Variants in STK3 observed in about 807,000 individuals in gnomAD.
STK3 encodes serine/threonine-protein kinase 3.
STK3 carries 41 observed loss-of-function variants against 58.0 expected under a neutral mutation model. The ratio of observed to expected loss-of-function variants is 0.71; its 90% CI spans 0.55 to 0.92. The LOEUF (loss-of-function observed/expected upper bound fraction) is 0.92. Ranked by LOEUF, STK3 falls within the 40% of genes least tolerant of loss-of-function variation. The pLI is 0.00. For missense variants in STK3, 479 were observed against 602.7 expected (o/e 0.79, Z 2.15); for synonymous variants, 170 against 191.0 (o/e 0.89, Z 0.91).
At chr8:98,538,970 C>T (rs1050035920) in intron 9 of STK3, among the ~76,000 whole-genome samples, 17 of 152,300 alleles carry the variant, frequency 1.1e-4, no homozygotes, top group African/African-American at 3.4e-4. Context: ...TGGGTATTTG[C>T]ACCCAGCTGC....
At chr8:98,939,025 T>C (rs1195451451) in intron 1 of STK3, among the ~76,000 whole-genome samples, 2 of 152,196 alleles carry the variant, frequency 1.3e-5, no homozygotes, top group Non-Finnish European at 2.9e-5. Flanking sequence ...CACCATCTTA[T>C]GCCGACTCCT....
upstream of STK3, among the ~76,000 whole-genome samples, chr8:98,830,166 T>C (rs1420672237): frequency 6.6e-6 from 1 of 151,986 alleles, no homozygotes; most frequent in Admixed American, 6.6e-5. Context: ...AGGCAGAGGT[T>C]GCAGTGAGCC....
At chr8:98,937,733 A>T (rs1019187171) in intron 1 of STK3, among the ~76,000 whole-genome samples, 5 of 152,238 alleles carry the variant, frequency 3.3e-5, no homozygotes, top group Admixed American at 6.5e-5. Flanking sequence ...CTTGACTTGG[A>T]TTAGATTCAA....
chr8:98,475,776 G>A (rs80203741), intron 10 of STK3, among the ~76,000 whole-genome samples: 404 of 152,220 alleles, frequency 2.7e-3, no homozygotes, highest in African/African-American at 8.3e-3. Flanking sequence ...TATAAATGGC[G>A]GATTTAACAA....
chr8:98,683,636 G>T (rs543152285), intron 6 of STK3, among the ~76,000 whole-genome samples: 2 of 151,992 alleles, frequency 1.3e-5, no homozygotes, highest in Admixed American at 6.6e-5. Flanking sequence ...TTATAGATAA[G>T]GTGATATGAG....
chr8:98,651,033 G>C (rs963118623), intron 6 of STK3, among the ~76,000 whole-genome samples: 1 of 152,248 alleles, frequency 6.6e-6, no homozygotes, highest in African/African-American at 2.4e-5. Context: ...CGGGCAGACT[G>C]CCTCCTCAAG....
chr8:98,890,187 C>T (rs555061384), intron 1 of STK3, among the ~76,000 whole-genome samples: 2 of 152,206 alleles, frequency 1.3e-5, no homozygotes, highest in Non-Finnish European at 2.9e-5. Flanking sequence ...AGTGCTCTGG[C>T]CCTTGCTGGA....
In STK3 at chr8:98,455,599, G is replaced by T; in HGVS notation, c.*243C>A. The T allele has an allele frequency of 1.9e-6, 1 of 513,000 alleles. No homozygotes were observed. The allele number at this position is 513,000 out of a possible 1,614,324, so 31.8% of individuals were successfully genotyped here. On this transcript the variant is annotated 3_prime_UTR_variant, in exon 11 of 11. Coordinates refer to ENST00000419617, the MANE Select transcript of STK3 (RefSeq NM_006281.4). ...CCATTTCATAACAGTTTTATTACTG[G>T]TATGCAGCTGACAGAACAAGAGAAT...
intron 8 of STK3, among the ~76,000 whole-genome samples, chr8:98,553,809 C>CA (rs1328511752): frequency 1.3e-5 from 2 of 151,850 alleles, no homozygotes; most frequent in African/African-American, 2.4e-5. Context: ...ACTAAAAATA[C>CA]AAAAAATTAG....
At chr8:98,821,771 G>C (rs1187957721) in intron 1 of STK3, among the ~76,000 whole-genome samples, 1 of 152,098 alleles carries the variant, frequency 6.6e-6, no homozygotes, top group Non-Finnish European at 1.5e-5. Context: ...CCTCAAGTTG[G>C]TGACATGGGT....
intron 3 of STK3, among the ~76,000 whole-genome samples, chr8:98,873,667 CT>C (rs1164158448): frequency 0.042 from 6,037 of 145,168 alleles, 145 homozygotes; most frequent in South Asian, 0.07. Flanking sequence ...GCAACCCCTG[CT>C]TTTTTTTTTT....
chr8:98,806,991 A>G (rs1176446583), intron 1 of STK3, among the ~76,000 whole-genome samples: 1 of 151,896 alleles, frequency 6.6e-6, no homozygotes, highest in Non-Finnish European at 1.5e-5. Flanking sequence ...CGTCTCTACT[A>G]GAAATACAAA....
chr8:98,761,822 TTTTATTTATTTA>T (rs761072752), intron 3 of STK3, among the ~76,000 whole-genome samples: 1 of 151,918 alleles, frequency 6.6e-6, no homozygotes, highest in Non-Finnish European at 1.5e-5. Context: ...ACTTTTGATT[TTTTATTTATTTA>T]TTTATTTATT....
rs1029026478 is a variant in STK3, at chr8:98,593,638, A to T, written c.822+2394T>A. Among the ~76,000 whole-genome samples the T allele has an allele frequency of 2.0e-5, 3 of 152,200 alleles. No homozygotes were observed. In the East Asian group the frequency reaches 5.8e-4, roughly 29 times the overall value. On this transcript the variant is annotated intron_variant, in intron 7 of 10. Transcript: ENST00000419617. ...TGCACATGTGAGGGATCCAAGTTGC[A>T]TGCTCCTTATGAGAATCTAACTAAT...
chr8:98,789,310 GA>G (rs1832660100), intron 1 of STK3, among the ~76,000 whole-genome samples: 1 of 152,100 alleles, frequency 6.6e-6, no homozygotes, highest in Non-Finnish European at 1.5e-5. Context: ...CAAAAAGTCT[GA>G]AAGAGCACAG....
At chr8:98,921,468 C>G (rs1839561086) in intron 1 of STK3, 1 of 152,988 alleles carries the variant, frequency 6.5e-6, no homozygotes, top group Non-Finnish European at 1.5e-5. Flanking sequence ...GAAGGGGACA[C>G]CTGCCTAGCC....
chr8:98,866,421 C>A (rs756891344), intron 3 of STK3, among the ~76,000 whole-genome samples: 3 of 152,138 alleles, frequency 2.0e-5, no homozygotes, highest in African/African-American at 7.2e-5. Context: ...CATTAATTGA[C>A]CCATGACTAA....
At chr8:98,862,768 C>T (rs1166594811) in intron 3 of STK3, among the ~76,000 whole-genome samples, 1 of 152,206 alleles carries the variant, frequency 6.6e-6, no homozygotes, top group Non-Finnish European at 1.5e-5. Flanking sequence ...ATGGCATCTA[C>T]TGAAGAAGGA....
intron 6 of STK3, among the ~76,000 whole-genome samples, chr8:98,665,585 A>G (rs1822278735): frequency 6.6e-6 from 1 of 151,984 alleles, no homozygotes; most frequent in African/African-American, 2.4e-5. Context: ...TGTAGAGACA[A>G]GGTCTCACTA....
Sources: gnomAD v4.1 joint callset for allele counts (sites outside exome capture counted in the v4.1 genomes callset) on GRCh38, gnomAD v4.1.1 for gene constraint, MANE v1.5 for transcripts, NCBI Gene and HGNC (gene_info 2026-07-23, HGNC 2026-07-21) for gene names.